Variants in GNAZ observed in about 807,000 individuals in gnomAD.
GNAZ encodes guanine nucleotide-binding protein G(z) subunit alpha.
In GNAZ, 3 loss-of-function variants were observed where a neutral mutation model predicts 25.4. The observed-to-expected ratio is 0.12, with a 90% confidence interval of 0.05 to 0.30. The LOEUF (loss-of-function observed/expected upper bound fraction) is 0.30. GNAZ is among the 10% of genes least tolerant of loss of function. The pLI is 1.00. For missense variants in GNAZ, 241 were observed against 501.8 expected, an observed-to-expected ratio of 0.48 and a Z score of 4.97; for synonymous variants, 211 against 205.7, an observed-to-expected ratio of 1.03 and a Z score of -0.22.
At chr22:23,085,379 C>G (rs2068790274) in intron 1 of GNAZ, among the ~76,000 whole-genome samples, 1 of 152,198 alleles carries the variant, frequency 6.6e-6, no homozygotes, top group African/African-American at 2.4e-5. Context: ...AGCAGGGCCA[C>G]ACACAGTGGG....
At chr22:23,090,925 GC>G (rs2146301046) in intron 1 of GNAZ, among the ~76,000 whole-genome samples, 1 of 152,292 alleles carries the variant, frequency 6.6e-6, no homozygotes, top group Non-Finnish European at 1.5e-5. Context: ...CAGAATCAAA[GC>G]CATGGTTTAG....
chr22:23,076,018 G>A (rs1198279492), intron 1 of GNAZ, among the ~76,000 whole-genome samples: 1 of 152,210 alleles, frequency 6.6e-6, no homozygotes, highest in Non-Finnish European at 1.5e-5. Flanking sequence ...CCCCGCATCT[G>A]GGCAGCATGG....
chr22:23,075,466 T>C (rs939743213), intron 1 of GNAZ, among the ~76,000 whole-genome samples: 44 of 152,348 alleles, frequency 2.9e-4, no homozygotes, highest in Non-Finnish European at 2.1e-4. Flanking sequence ...GCCCTGGACC[T>C]ACATGGCCAC....
intron 1 of GNAZ, among the ~76,000 whole-genome samples, chr22:23,092,661 G>A (rs1443006893): frequency 6.6e-6 from 1 of 152,200 alleles, no homozygotes; most frequent in Admixed American, 6.5e-5. Flanking sequence ...CTTAGCTCCA[G>A]GCTTCCAGAC....
In GNAZ at chr22:23,096,370, T is replaced by C. The variant is rs1188496901; in HGVS notation, c.675T>C (p.Cys225=). ...CFEGVTAIIF[C]VELSGYDLKL... ...AGGGCGTCACAGCCATCATCTTCTGTGTGGAGCTCAGCGGCTACGACCTGA... is the reference window on the plus strand; with the variant it reads ...AGGGCGTCACAGCCATCATCTTCTGCGTGGAGCTCAGCGGCTACGACCTGA... The change falls in exon 2 of 3, where the codon TGT becomes TGC. Residue 225 remains cysteine (C), a synonymous_variant. Coordinates refer to ENST00000615612, the MANE Select transcript of GNAZ (RefSeq NM_002073.4). 1.3e-5 allele frequency: 21 copies of C among 1,613,124 alleles called. No individual in the cohort carries two copies. Among genetic ancestry groups the C allele is most frequent in the Non-Finnish European group, 1.7e-5 (20 of 1,179,932 alleles).
intron 2 of GNAZ, among the ~76,000 whole-genome samples, chr22:23,121,842 C>G (rs1434419365): frequency 6.6e-6 from 1 of 151,982 alleles, no homozygotes; most frequent in Non-Finnish European, 1.5e-5. Flanking sequence ...CTGCCCCAGC[C>G]TCCCAAGGAG....
At chr22:23,074,865 C>T (rs1333067192) in intron 1 of GNAZ, among the ~76,000 whole-genome samples, 1 of 151,996 alleles carries the variant, frequency 6.6e-6, no homozygotes, top group Non-Finnish European at 1.5e-5. Flanking sequence ...ATTTTGGGGG[C>T]CCCCATTTGA....
intron 1 of GNAZ, among the ~76,000 whole-genome samples, chr22:23,091,047 C>T (rs1309114619): frequency 6.6e-6 from 1 of 152,204 alleles, no homozygotes; most frequent in Non-Finnish European, 1.5e-5. Flanking sequence ...CATCTCTGCT[C>T]CCAGGATGCC....
intron 1 of GNAZ, among the ~76,000 whole-genome samples, chr22:23,072,446 G>A (rs1366854313): frequency 6.6e-6 from 1 of 152,176 alleles, no homozygotes; most frequent in Non-Finnish European, 1.5e-5. Flanking sequence ...TCTGAGACAG[G>A]AGGTGAATAA....
At chr22:23,105,732 CTGTT>C (rs1353016001) in intron 2 of GNAZ, among the ~76,000 whole-genome samples, 12 of 152,238 alleles carry the variant, frequency 7.9e-5, no homozygotes, top group Non-Finnish European at 1.5e-4. Context: ...CTGTATCATG[CTGTT>C]TGTTAATTTC....
chr22:23,081,040 C>T (rs2068662995), intron 1 of GNAZ, among the ~76,000 whole-genome samples: 1 of 152,166 alleles, frequency 6.6e-6, no homozygotes, highest in African/African-American at 2.4e-5. Flanking sequence ...GTAATCACAG[C>T]CTGGAATACT....
chr22:23,078,225 A>C (rs2068560829), intron 1 of GNAZ, among the ~76,000 whole-genome samples: 2 of 152,356 alleles, frequency 1.3e-5, no homozygotes, highest in South Asian at 4.1e-4. Flanking sequence ...TGGGAAGAAA[A>C]ATAATTAGAG....
chr22:23,123,263 C>T lies in GNAZ; in HGVS notation c.900C>T (p.Ala300=), dbSNP rs200336199. Residue 300 remains alanine (A), a synonymous_variant, in exon 3 of 3, where the codon GCC becomes GCT. Coordinates refer to ENST00000615612, the MANE Select transcript of GNAZ (RefSeq NM_002073.4). ...EYKGQNTYEE[A]AVYIQRQFED... is the part of the protein sequence containing the mutation. ...AGGGCCAGAACACGTACGAGGAGGCCGCTGTCTACATCCAGCGGCAGTTTG... is the reference window on the plus strand; with the variant it reads ...AGGGCCAGAACACGTACGAGGAGGCTGCTGTCTACATCCAGCGGCAGTTTG... 1.1e-4 allele frequency: 184 copies of T among 1,614,006 alleles called. No individual in the cohort carries two copies. The highest frequency in any genetic ancestry group is 8.0e-4 in the Admixed American group (48 of 60,002).
At chr22:23,092,992 C>T (rs565015149) in intron 1 of GNAZ, among the ~76,000 whole-genome samples, 8 of 152,348 alleles carry the variant, frequency 5.3e-5, no homozygotes, top group Admixed American at 2.0e-4. Context: ...AGGCAGTGGG[C>T]TGAGGGCTTT....
At chr22:23,121,776 C>A (rs554188640) in intron 2 of GNAZ, among the ~76,000 whole-genome samples, 14 of 147,374 alleles carry the variant, frequency 9.5e-5, no homozygotes, top group Admixed American at 8.2e-4. Flanking sequence ...GACTGGAGTG[C>A]AGTGGCATGA....
At chr22:23,100,667 C>G (rs545284674) in intron 2 of GNAZ, among the ~76,000 whole-genome samples, 1 of 152,262 alleles carries the variant, frequency 6.6e-6, no homozygotes, top group Admixed American at 6.5e-5. Context: ...CCACCCGGCA[C>G]AGCCTGTGCT....
chr22:23,112,440 G>A (rs558240591), intron 2 of GNAZ, among the ~76,000 whole-genome samples: 70 of 152,270 alleles, frequency 4.6e-4, no homozygotes, highest in African/African-American at 1.5e-3. Context: ...GAAGAGGTGC[G>A]GGGAGCATGC....
intron 2 of GNAZ, 106 bp from the exon 3 acceptor site, chr22:23,122,981 C>T: frequency 2.7e-6 from 2 of 740,056 alleles, no homozygotes; most frequent in Non-Finnish European, 4.7e-6. Context: ...AGGGACCAGT[C>T]TTGGGCTGAG....
intron 2 of GNAZ, among the ~76,000 whole-genome samples, chr22:23,113,427 C>T (rs1006684194): frequency 2.0e-5 from 3 of 152,238 alleles, no homozygotes; most frequent in Non-Finnish European, 4.4e-5. Context: ...CTGCCCATAC[C>T]CCTTTGGCCT....
Sources: allele counts gnomAD v4.1 joint callset (sites outside exome capture counted in the v4.1 genomes callset), GRCh38; gene constraint gnomAD v4.1.1; transcripts MANE v1.5; gene names NCBI Gene and HGNC (gene_info 2026-07-23, HGNC 2026-07-21).